The following SPOCK3 variants were observed in gnomAD, a reference collection of about 807,000 sequenced individuals.
The protein encoded by SPOCK3 is testican-3.
In SPOCK3, 30 loss-of-function variants were observed where a neutral mutation model predicts 56.6. The observed-to-expected ratio is 0.53, with a 90% CI of 0.40 to 0.72. The LOEUF is 0.72. Among genes scored for constraint, SPOCK3 ranks in the 30% least tolerant of loss-of-function variants. The pLI is 0.00. For synonymous variants in SPOCK3, 196 were observed against 183.3 expected (o/e 1.07, Z -0.56); for missense variants, 527 against 530.0 (o/e 0.99, Z 0.06).
intron 2 of SPOCK3, among the ~76,000 whole-genome samples, chr4:167,113,278 C>T (rs937961572): frequency 4.6e-5 from 7 of 152,080 alleles, no homozygotes; most frequent in African/African-American, 1.7e-4. Flanking sequence ...TCTTTTTCTA[C>T]ACAGTAACCT....
At chr4:167,107,728 T>C (rs76621441) in intron 2 of SPOCK3, among the ~76,000 whole-genome samples, 3,058 of 151,854 alleles carry the variant, frequency 0.02, 86 homozygotes, top group African/African-American at 0.069. Context: ...AAAAAATAAT[T>C]AGGACAAATT....
In SPOCK3 at chr4:166,889,141, T is replaced by C. The variant is rs1734498279; in HGVS notation, c.578A>G (p.Asn193Ser). 2 of 1,601,314 alleles carry C rather than the reference T, an allele frequency of 1.2e-6. No individual in the cohort carries two copies. Among genetic ancestry groups the C allele is most frequent in the Admixed American group, 1.7e-5 (1 of 59,662 alleles). ...TTTTTGTCACTTACCTCTCTTAACA[T>C]TTCTGCTTGTACTGGTGGGCTTATC... ...PSDKPTSTSR[N>S]VKRACSDLEF... Residue 193 changes from asparagine (N) to serine (S), a missense_variant, in exon 6 of 11, where the codon AAT becomes AGT. Physicochemically the swap from Asn to Ser is conservative, Grantham distance 46. Coordinates refer to ENST00000357545, the MANE Select transcript of SPOCK3 (RefSeq NM_001040159.2).
chr4:166,956,446 C>T (rs1291015265), intron 4 of SPOCK3, among the ~76,000 whole-genome samples: 1 of 152,100 alleles, frequency 6.6e-6, no homozygotes, highest in Non-Finnish European at 1.5e-5. Flanking sequence ...ATAACCAAAC[C>T]AGCTACTAAT....
chr4:167,152,456 A>G (rs1764505643), intron 2 of SPOCK3, among the ~76,000 whole-genome samples: 1 of 152,044 alleles, frequency 6.6e-6, no homozygotes, highest in Non-Finnish European at 1.5e-5. Flanking sequence ...CTCAGGGTAG[A>G]GAATATAACT....
At chr4:166,763,988 G>A (rs12501132) in intron 7 of SPOCK3, among the ~76,000 whole-genome samples, 50,101 of 151,706 alleles carry the variant, frequency 0.33, 8,429 homozygotes, top group Admixed American at 0.42. Flanking sequence ...TTTTCAGCGG[G>A]GTTGCTGGCA....
At chr4:166,998,795 A>G (rs1281020079) in intron 4 of SPOCK3, among the ~76,000 whole-genome samples, 1 of 152,124 alleles carries the variant, frequency 6.6e-6, no homozygotes, top group Non-Finnish European at 1.5e-5. Flanking sequence ...TGGGAGATAA[A>G]CTGACTTAGT....
At chr4:166,956,834 C>T (rs568975085) in intron 4 of SPOCK3, among the ~76,000 whole-genome samples, 10 of 152,224 alleles carry the variant, frequency 6.6e-5, no homozygotes, top group African/African-American at 2.4e-4. Context: ...AGTTTAGAAT[C>T]CATAAGTTAT....
At chr4:166,802,115 C>T (rs534247573) in intron 6 of SPOCK3, among the ~76,000 whole-genome samples, 25 of 151,410 alleles carry the variant, frequency 1.7e-4, no homozygotes, top group African/African-American at 4.4e-4. Flanking sequence ...TACAAAACAC[C>T]GAGAACACAT....
chr4:166,934,492 C>T (rs145360454), intron 4 of SPOCK3, among the ~76,000 whole-genome samples: 18 of 151,352 alleles, frequency 1.2e-4, no homozygotes, highest in Non-Finnish European at 2.4e-4. Flanking sequence ...AGCGAGACTC[C>T]GTCTCAAAAA....
intron 2 of SPOCK3, among the ~76,000 whole-genome samples, chr4:167,214,875 G>C (rs1204397400): frequency 1.3e-5 from 2 of 151,978 alleles, no homozygotes; most frequent in Admixed American, 6.6e-5. Flanking sequence ...AAACCCAGCA[G>C]CCTACTGTTG....
intron 2 of SPOCK3, among the ~76,000 whole-genome samples, chr4:167,146,648 T>C (rs1580431917): frequency 6.6e-6 from 1 of 152,162 alleles, no homozygotes; most frequent in Non-Finnish European, 1.5e-5. Context: ...GAACTCAGGA[T>C]TAAGAAACTC....
chr4:167,095,246 T>G (rs1759051866), intron 2 of SPOCK3, among the ~76,000 whole-genome samples: 1 of 152,110 alleles, frequency 6.6e-6, no homozygotes, highest in South Asian at 2.1e-4. Flanking sequence ...ACACATAAAA[T>G]GAACCATCAC....
intron 2 of SPOCK3, among the ~76,000 whole-genome samples, chr4:167,075,594 AT>A (rs1443594893): frequency 6.6e-6 from 1 of 151,898 alleles, no homozygotes; most frequent in Non-Finnish European, 1.5e-5. Flanking sequence ...CACTTAAATC[AT>A]TTTTGCTTAT....
intron 2 of SPOCK3, among the ~76,000 whole-genome samples, chr4:167,162,809 C>A (rs1765432910): frequency 6.6e-6 from 1 of 151,762 alleles, no homozygotes; most frequent in African/African-American, 2.4e-5. Context: ...TTTTTACCAC[C>A]AAATATGAAG....
At chr4:166,981,086 C>A (rs1391297037) in intron 4 of SPOCK3, among the ~76,000 whole-genome samples, 2 of 152,170 alleles carry the variant, frequency 1.3e-5, no homozygotes, top group African/African-American at 4.8e-5. Flanking sequence ...CTTAGGAGAC[C>A]TGAAATGGGT....
chr4:166,944,515 C>T (rs1458934929), intron 4 of SPOCK3, among the ~76,000 whole-genome samples: 3 of 152,010 alleles, frequency 2.0e-5, no homozygotes, highest in African/African-American at 7.2e-5. Flanking sequence ...TAGCCTGAAA[C>T]AGTTACAGTT....
rs375691025 is a variant in SPOCK3 at position 167,147,855 on chromosome 4, T to A, written c.190-85318A>T. On this transcript the variant is annotated intron_variant, in intron 2 of 10. Transcript: ENST00000357545. ...GGATAACATTAGGAGAAATATCTAA[T>A]GTAGGTGACGGGTGGATGGGTGCAG... Among the ~76,000 whole-genome samples the A allele has an allele frequency of 1.7e-4, 26 of 152,134 alleles. No homozygotes were observed. In the East Asian group the frequency reaches 3.9e-3, roughly 23 times the overall value.
At chr4:167,013,889 A>C (rs1210706051) in intron 3 of SPOCK3, among the ~76,000 whole-genome samples, 1 of 152,164 alleles carries the variant, frequency 6.6e-6, no homozygotes, top group Non-Finnish European at 1.5e-5. Flanking sequence ...AAAATATCCT[A>C]TAATTGTGTG....
intron 2 of SPOCK3, among the ~76,000 whole-genome samples, chr4:167,137,004 T>G (rs1299097472): frequency 1.3e-5 from 2 of 152,092 alleles, no homozygotes; most frequent in African/African-American, 2.4e-5. Context: ...CATCTTTGAT[T>G]ATGGAAAAAT....
Sources: allele counts gnomAD v4.1 joint callset (sites outside exome capture counted in the v4.1 genomes callset), GRCh38; gene constraint gnomAD v4.1.1; transcripts MANE v1.5; gene names NCBI Gene and HGNC (gene_info 2026-07-23, HGNC 2026-07-21).